NRG3: variants seen among roughly 807,000 people sequenced by gnomAD.
The protein encoded by NRG3 is neuregulin 3.
Under a neutral mutation model 66.9 loss-of-function variants are expected in NRG3, and 31 were observed. The observed-to-expected ratio is 0.46, with a 90% CI of 0.35 to 0.63. The LOEUF (loss-of-function observed/expected upper bound fraction) is 0.63, where lower values mean the gene tolerates loss of function less well. Among genes scored for constraint, NRG3 ranks in the 20% least tolerant of loss-of-function variants. The pLI is 0.00. For synonymous variants in NRG3, 393 were observed against 359.4 expected, an observed-to-expected ratio of 1.09 and a Z score of -1.06; for missense variants, 910 against 878.9, an observed-to-expected ratio of 1.04 and a Z score of -0.45.
chr10:82,723,540 T>G (rs1049160980), intron 2 of NRG3, among the ~76,000 whole-genome samples: 1 of 152,130 alleles, frequency 6.6e-6, no homozygotes, highest in African/African-American at 2.4e-5. Flanking sequence ...CGTAAATTCA[T>G]GTTGAAATGA....
intron 4 of NRG3, among the ~76,000 whole-genome samples, chr10:82,950,398 C>T (rs1849409392): frequency 1.3e-5 from 2 of 152,066 alleles, no homozygotes; most frequent in African/African-American, 4.8e-5. Context: ...ATTAGGGAAA[C>T]AGGAAGGCAG....
At chr10:82,749,037 G>A (rs1025178123) in intron 3 of NRG3, among the ~76,000 whole-genome samples, 27 of 152,194 alleles carry the variant, frequency 1.8e-4, no homozygotes, top group African/African-American at 6.5e-4. Context: ...CTGTTCTGCT[G>A]TATTAGGATT....
At chr10:81,949,382 A>T (rs1849131008) in intron 1 of NRG3, among the ~76,000 whole-genome samples, 2 of 152,178 alleles carry the variant, frequency 1.3e-5, no homozygotes, top group South Asian at 4.1e-4. Context: ...ACAAGTGGGT[A>T]ATCCTTAGCG....
intron 1 of NRG3, among the ~76,000 whole-genome samples, chr10:81,917,503 C>A (rs747522295): frequency 1.3e-5 from 2 of 152,084 alleles, no homozygotes; most frequent in Non-Finnish European, 2.9e-5. Context: ...ATTCCTGTCC[C>A]CTTCAAAATA....
At chr10:81,938,489 A>G (rs1448470994) in intron 1 of NRG3, among the ~76,000 whole-genome samples, 1 of 150,782 alleles carries the variant, frequency 6.6e-6, no homozygotes. Flanking sequence ...CCTTGATGAT[A>G]TTGTAAATGG....
intron 1 of NRG3, among the ~76,000 whole-genome samples, chr10:82,070,920 A>G (rs1383413349): frequency 3.9e-5 from 6 of 152,226 alleles, no homozygotes; most frequent in South Asian, 2.1e-4. Flanking sequence ...AAACTTATCC[A>G]GTAATTTACC....
chr10:82,565,632 T>C (rs1380516217), intron 2 of NRG3, among the ~76,000 whole-genome samples: 3 of 152,026 alleles, frequency 2.0e-5, no homozygotes, highest in Non-Finnish European at 2.9e-5. Flanking sequence ...GCACTACCAC[T>C]CTCAGGCTTG....
chr10:82,695,981 T>G (rs1239737223), intron 2 of NRG3, among the ~76,000 whole-genome samples: 3 of 152,196 alleles, frequency 2.0e-5, no homozygotes, highest in Non-Finnish European at 4.4e-5. Flanking sequence ...TAAATCACCT[T>G]GACAGTCGTC....
chr10:82,336,069 A>G (rs2082370226), intron 1 of NRG3, among the ~76,000 whole-genome samples: 1 of 152,226 alleles, frequency 6.6e-6, no homozygotes, highest in African/African-American at 2.4e-5. Flanking sequence ...TTGTAATTAC[A>G]AAAACATGTG....
intron 1 of NRG3, among the ~76,000 whole-genome samples, chr10:81,972,722 C>T (rs924938631): frequency 1.3e-5 from 2 of 151,858 alleles, no homozygotes; most frequent in Non-Finnish European, 2.9e-5. Flanking sequence ...GTAATTGTAA[C>T]TCTTAATGAA....
At chr10:82,714,934 GA>G (rs1416348704) in intron 2 of NRG3, among the ~76,000 whole-genome samples, 2 of 152,044 alleles carry the variant, frequency 1.3e-5, no homozygotes, top group African/African-American at 2.4e-5. Flanking sequence ...ACACAAAAAT[GA>G]AAAATAAAAA....
intron 2 of NRG3, among the ~76,000 whole-genome samples, chr10:82,601,467 A>G (rs1416751751): frequency 1.3e-5 from 2 of 152,302 alleles, no homozygotes; most frequent in Non-Finnish European, 2.9e-5. Context: ...TTTTCTTTTC[A>G]GAATTGGGAG....
At chr10:82,563,671 TTTTGA>T in intron 2 of NRG3, among the ~76,000 whole-genome samples, 1 of 152,192 alleles carries the variant, frequency 6.6e-6, no homozygotes, top group Middle Eastern at 3.5e-3. Flanking sequence ...CAATATGATG[TTTTGA>T]TTTGTGTGCT....
intron 2 of NRG3, among the ~76,000 whole-genome samples, chr10:82,375,435 G>A (rs566748441): frequency 6.6e-6 from 1 of 152,014 alleles, no homozygotes; most frequent in South Asian, 2.1e-4. Flanking sequence ...TACCAGGGAG[G>A]CTGAGGCAGG....
At chr10:82,525,915 T>G (rs1385789664) in intron 2 of NRG3, among the ~76,000 whole-genome samples, 2 of 151,842 alleles carry the variant, frequency 1.3e-5, no homozygotes, top group African/African-American at 2.4e-5. Flanking sequence ...ATACAATAAC[T>G]GATAAATAAC....
chr10:82,007,872 G>C (rs1300763233), intron 1 of NRG3, among the ~76,000 whole-genome samples: 1 of 152,042 alleles, frequency 6.6e-6, no homozygotes, highest in Non-Finnish European at 1.5e-5. Flanking sequence ...CATAAACACT[G>C]TTGAGCTCTA....
At chr10:82,151,901 C>T (rs866832342) in intron 1 of NRG3, among the ~76,000 whole-genome samples, 13 of 152,314 alleles carry the variant, frequency 8.5e-5, no homozygotes, top group African/African-American at 2.9e-4. Flanking sequence ...TGACCTCACT[C>T]TTTCACATAT....
At chr10:81,995,316 T>G (rs1395559393) in intron 1 of NRG3, among the ~76,000 whole-genome samples, 1 of 152,220 alleles carries the variant, frequency 6.6e-6, no homozygotes, top group Non-Finnish European at 1.5e-5. Context: ...TACAATTGTT[T>G]CAAAAATCTA....
intron 2 of NRG3, among the ~76,000 whole-genome samples, chr10:82,373,143 T>A (rs2084998158): frequency 6.6e-6 from 1 of 152,222 alleles, no homozygotes; most frequent in Admixed American, 6.5e-5. Flanking sequence ...TACCTTGTTA[T>A]GGGTCAGGCA....
Sources: gnomAD v4.1 joint callset for allele counts (sites outside exome capture counted in the v4.1 genomes callset) on GRCh38, gnomAD v4.1.1 for gene constraint, MANE v1.5 for transcripts, NCBI Gene and HGNC (gene_info 2026-07-23, HGNC 2026-07-21) for gene names.